Variants in RAB11B observed in about 807,000 individuals in gnomAD.
The protein encoded by RAB11B is RAB11B, member RAS oncogene family, also known as ras-related protein Rab-11B.
A neutral mutation model predicts 23.7 loss-of-function variants in RAB11B; 7 were observed. The ratio of observed to expected loss-of-function variants is 0.29; its 90% CI spans 0.17 to 0.55. The LOEUF (loss-of-function observed/expected upper bound fraction) is 0.55. Among genes scored for constraint, RAB11B ranks in the 20% least tolerant of loss-of-function variants. The probability of loss-of-function intolerance (pLI) is 0.93; values close to 1 mark genes in which losing one functional copy is unlikely to be tolerated. For synonymous variants in RAB11B, 138 were observed against 132.0 expected (o/e 1.05, Z -0.31); for missense variants, 189 against 320.0 (o/e 0.59, Z 3.12).
At chr19:8,391,820 C>T (rs1036527082) in intron 1 of RAB11B, among the ~76,000 whole-genome samples, 1 of 151,780 alleles carries the variant, frequency 6.6e-6, no homozygotes, top group African/African-American at 2.4e-5. Flanking sequence ...GCAGAGGTCT[C>T]CCCACCTGGG....
intron 1 of RAB11B, among the ~76,000 whole-genome samples, chr19:8,391,447 G>T (rs533594562): frequency 1.3e-5 from 2 of 152,248 alleles, no homozygotes; most frequent in African/African-American, 4.8e-5. Context: ...GACTGAGGGG[G>T]CTCTAGGAGC....
At chr19:8,400,650 G>C (rs1308732305) in intron 2 of RAB11B, among the ~76,000 whole-genome samples, 1 of 147,082 alleles carries the variant, frequency 6.8e-6, no homozygotes, top group African/African-American at 2.5e-5. Flanking sequence ...GCGATGGCAC[G>C]ATCTCGGCTC....
rs925327030 is a variant in RAB11B at position 8,404,331 on chromosome 19, C to T, written c.*773C>T. The T allele has an allele frequency of 3.3e-5, 5 of 152,236 alleles. No individual in the cohort carries two copies. The highest frequency in any genetic ancestry group is 1.2e-4 in the African/African-American group (5 of 41,416). The allele number at this position is 152,236 out of a possible 1,614,324, so 9.4% of individuals were successfully genotyped here. A position where few individuals can be genotyped will look rare whatever the true frequency, so the allele number is the denominator to read the frequency against. ...ACACTTTGTAAGATTTACGCCAAAC[C>T]CCAGCTCTCGATCTCTTCTTCTCCC... On this transcript the variant is annotated 3_prime_UTR_variant, in exon 5 of 5. Transcript: ENST00000328024.
chr19:8,403,199 G>A (rs1217159037), intron 4 of RAB11B, among the ~76,000 whole-genome samples: 5 of 152,162 alleles, frequency 3.3e-5, no homozygotes, highest in Non-Finnish European at 7.4e-5. Flanking sequence ...GAGGGAGGAG[G>A]GCGCTTCTGA....
chr19:8,397,496 G>A (rs1190621015), intron 1 of RAB11B, among the ~76,000 whole-genome samples: 1 of 152,060 alleles, frequency 6.6e-6, no homozygotes, highest in Non-Finnish European at 1.5e-5. Flanking sequence ...ACAGGCCCGG[G>A]GGAGTGGGGG....
intron 1 of RAB11B, among the ~76,000 whole-genome samples, chr19:8,395,313 G>A (rs188943807): frequency 2.1e-4 from 28 of 134,766 alleles, no homozygotes; most frequent in African/African-American, 6.5e-4. Context: ...TCGCTGTGTC[G>A]CCCAGCTTGG....
At chr19:8,402,658 T>TTTTTTTCTTTTTG in intron 4 of RAB11B, 93 bp downstream of exon 4, 1 of 1,008,700 alleles carries the variant, frequency 9.9e-7, no homozygotes, top group Non-Finnish European at 1.5e-6. Flanking sequence ...CGTTTGCTTG[T>TTTTTTTCTTTTTG]TTTTTTCTTT....
rs1171043031 is a variant in RAB11B at position 8,402,123 on chromosome 19, G to A, written c.274G>A (p.Asp92Asn). ...RGAVGALLVY[D>N]IAKHLTYENV... ...TGCAGTGGGCGCCCTGCTGGTGTAC[G>A]ACATCGCCAAGCACCTGACCTATGA... is the stretch of plus-strand genomic sequence containing the variant. The change falls in exon 3 of 5, where the codon GAC becomes AAC. Residue 92 changes from aspartate (D) to asparagine (N), a missense_variant. Physicochemically the swap from Asp to Asn is conservative, Grantham distance 23. Around this residue, in one of 5 missense-constraint regions of RAB11B, gnomAD observed 17 missense variants for 63.0 expected, o/e 0.27. Coordinates refer to ENST00000328024, the MANE Select transcript of RAB11B (RefSeq NM_004218.4). 3 of 1,607,588 alleles carry A rather than the reference G, an allele frequency of 1.9e-6. No individual in the cohort carries two copies. The highest frequency in any genetic ancestry group is 1.1e-5 in the South Asian group (1 of 89,694).
rs2913967 is a variant in RAB11B at position 8,402,717 on chromosome 19, T to C, written c.511+152T>C. On this transcript the variant is annotated intron_variant, in intron 4 of 4. Transcript: ENST00000328024. ...TTTGCTCTTTGCCCAGGCTGGAGTG[T>C]GGTGGCTCGATCTCAGCTTACTGCA... 186,193 of 644,248 alleles carry C rather than the reference T, an allele frequency of 0.29. 29,369 individuals carry two copies. The highest frequency in any genetic ancestry group is 0.58 in the East Asian group (20,684 of 35,950). 39.9% of individuals were successfully genotyped at this position (644,248 alleles called of 1,614,324 possible).
intron 1 of RAB11B, among the ~76,000 whole-genome samples, chr19:8,392,921 G>C (rs1381212977): frequency 6.6e-6 from 1 of 150,920 alleles, no homozygotes; most frequent in African/African-American, 2.4e-5. Context: ...CCTGACCTCA[G>C]GTGATCCACC....
intron 2 of RAB11B, 100 bp downstream of exon 2, chr19:8,400,158 G>A: frequency 3.7e-6 from 5 of 1,366,050 alleles, no homozygotes; most frequent in Non-Finnish European, 5.0e-6. Flanking sequence ...AGGAGAAGGG[G>A]AGAGTGTGCT....
At chr19:8,401,945 C>T (rs940708686) in intron 2 of RAB11B, 141 bp from the exon 3 acceptor site, 8 of 795,316 alleles carry the variant, frequency 1.0e-5, no homozygotes, top group Non-Finnish European at 1.6e-5. Context: ...AGACACACAC[C>T]CTTCCCTTGA....
intron 1 of RAB11B, among the ~76,000 whole-genome samples, chr19:8,392,167 C>T (rs1046352206): frequency 1.3e-5 from 2 of 152,110 alleles, no homozygotes; most frequent in Non-Finnish European, 2.9e-5. Context: ...AGACGTGGCA[C>T]TGCCAGGGCA....
At chr19:8,400,689 C>T (rs1481124266) in intron 2 of RAB11B, among the ~76,000 whole-genome samples, 11 of 151,842 alleles carry the variant, frequency 7.2e-5, no homozygotes, top group African/African-American at 2.4e-4. Context: ...TGGGTTCAAG[C>T]GATTCTCCTG....
rs368468566 is a variant in RAB11B at position 8,395,447 on chromosome 19, C to T, written c.41-4416C>T. Among the ~76,000 whole-genome samples the T allele has an allele frequency of 1.2e-4, 19 of 152,154 alleles. No individual in the cohort carries two copies. In the East Asian group the frequency reaches 3.7e-3, roughly 29 times the overall value. On this transcript the variant is annotated intron_variant, in intron 1 of 4. Transcript: ENST00000328024. ...TATTTTTCATAGAGACGGGGTTTCA[C>T]CATGTTAGTCAGGTTGGTCTCAAAC...
chr19:8,402,614 G>T, intron 4 of RAB11B, 49 bp downstream of exon 4: 2 of 1,389,464 alleles, frequency 1.4e-6, no homozygotes, highest in Non-Finnish European at 2.0e-6. Context: ...CAGGCAGGGT[G>T]GAACACGGCC....
rs574100280 is a variant in RAB11B at position 8,396,712 on chromosome 19, G to C, written c.41-3151G>C. Among the ~76,000 whole-genome samples, 77 of 147,332 alleles carry C rather than the reference G, an allele frequency of 5.2e-4. No individual in the cohort carries two copies. Among genetic ancestry groups the C allele is most frequent in the African/African-American group, 1.3e-3 (52 of 39,478 alleles). On this transcript the variant is annotated intron_variant, in intron 1 of 4. Transcript: ENST00000328024. The surrounding 1 kb of genome is among the most constrained non-coding windows in gnomAD (Gnocchi z 5.0). ...GTGTGGCTGGAGCAGAGTGAGCCGG[G>C]GGGGGGGCGGGAGGGAGGAGGGGAG...
chr19:8,392,557 T>C (rs773447044), intron 1 of RAB11B, among the ~76,000 whole-genome samples: 9 of 152,108 alleles, frequency 5.9e-5, no homozygotes, highest in Non-Finnish European at 1.3e-4. Context: ...AGCTAGTTGG[T>C]AGCAAAAATC....
At chr19:8,401,721 C>T (rs1345842927) in intron 2 of RAB11B, among the ~76,000 whole-genome samples, 2 of 151,786 alleles carry the variant, frequency 1.3e-5, no homozygotes, top group Non-Finnish European at 2.9e-5. Flanking sequence ...GGGGTATCGC[C>T]ATGTTGCCCA....
Sources: gnomAD v4.1 joint callset for allele counts (sites outside exome capture counted in the v4.1 genomes callset) on GRCh38, gnomAD v4.1.1 for gene constraint, gnomAD v4.1.1 regional missense constraint, Gnocchi (gnomAD v3.1) non-coding constraint, MANE v1.5 for transcripts, NCBI Gene and HGNC (gene_info 2026-07-23, HGNC 2026-07-21) for gene names.